The following CDK13 variants were observed in gnomAD, a reference collection of about 807,000 sequenced individuals.
CDK13 encodes the protein cyclin-dependent kinase 13.
In CDK13, 40 loss-of-function variants were observed where a neutral mutation model predicts 137.6. The ratio of observed to expected loss-of-function variants is 0.29; its 90% CI spans 0.23 to 0.38. The LOEUF is 0.38. CDK13 is among the 10% of genes least tolerant of loss of function. The pLI, the probability that CDK13 is intolerant of heterozygous loss-of-function variation, is 1.00. For missense variants in CDK13, 1,704 were observed against 1,951.8 expected, an observed-to-expected ratio of 0.87 and a Z score of 2.39; for synonymous variants, 869 against 760.1, an observed-to-expected ratio of 1.14 and a Z score of -2.36.
chr7:40,001,043 C>T (rs1282142298), intron 4 of CDK13, among the ~76,000 whole-genome samples: 2 of 152,138 alleles, frequency 1.3e-5, no homozygotes, highest in African/African-American at 4.8e-5. Context: ...TGCTAGGTAA[C>T]TGGCCAGGTT....
chr7:40,031,831 A>G (rs199962960), intron 5 of CDK13, among the ~76,000 whole-genome samples: 39 of 35,846 alleles, frequency 1.1e-3, no homozygotes, highest in East Asian at 6.1e-3. Context: ...TATTATTGTT[A>G]TTATTATTAT....
chr7:39,963,373 T>G (rs550487717), intron 1 of CDK13, among the ~76,000 whole-genome samples: 19 of 152,328 alleles, frequency 1.2e-4, no homozygotes, highest in Admixed American at 9.2e-4. Flanking sequence ...GGTATTTTAC[T>G]CTCTTTAAAG....
intron 2 of CDK13, among the ~76,000 whole-genome samples, chr7:39,990,052 G>T (rs956257115): frequency 6.6e-6 from 1 of 152,124 alleles, no homozygotes; most frequent in Non-Finnish European, 1.5e-5. Flanking sequence ...CCAAAGTGTT[G>T]GGATTACAGG....
At chr7:40,047,777 G>T (rs1232900487) in intron 6 of CDK13, 44 bp from the exon 7 acceptor site, 2 of 1,313,334 alleles carry the variant, frequency 1.5e-6, no homozygotes, top group East Asian at 2.3e-5. Flanking sequence ...TGTCAATTAA[G>T]AGTAAATTAA....
At chr7:39,959,593 T>G (rs28547436) in intron 1 of CDK13, among the ~76,000 whole-genome samples, 40,625 of 151,840 alleles carry the variant, frequency 0.27, 6,571 homozygotes, top group Middle Eastern at 0.45. Flanking sequence ...GCCTCCCGAG[T>G]AGCTGGGATC....
intron 5 of CDK13, among the ~76,000 whole-genome samples, chr7:40,042,478 T>TC (rs1491252204): frequency 2.3e-3 from 15 of 6,450 alleles, no homozygotes; most frequent in African/African-American, 8.6e-3. Flanking sequence ...CTTTTCTTTC[T>TC]TTTTTTTTTT....
At position 39,970,343 on chromosome 7, in the gene CDK13, A is replaced by T. The variant is rs183546422; in HGVS notation, c.1212-17256A>T. Among the ~76,000 whole-genome samples the T allele has an allele frequency of 6.6e-5, 10 of 152,178 alleles. No homozygotes were observed. In the East Asian group the frequency reaches 1.9e-3, roughly 29 times the overall value. ...GTCCAAAAAAATTTTTGCCTAACCC[A>T]CAGTAACAGATATTTTCTCCTTAGG... On this transcript the variant is annotated intron_variant, in intron 1 of 13. Coordinates refer to ENST00000181839, the MANE Select transcript of CDK13 (RefSeq NM_003718.5).
At chr7:40,071,314 C>G (rs1786417421) in intron 9 of CDK13, 1 of 152,094 alleles carries the variant, frequency 6.6e-6, no homozygotes, top group African/African-American at 2.4e-5. Flanking sequence ...ATAATGTTAA[C>G]ATGTTTTAAA....
In CDK13 at chr7:39,951,021, A is replaced by G. The variant is rs2116052889; in HGVS notation, c.380A>G (p.Gln127Arg). ...CGGGTCTTCTCGCTGCCCCAGCCGC[A>G]GCAGGACGGCGGTGGCGGTGCTAGT... is the stretch of plus-strand genomic sequence containing the variant. ...KRRVFSLPQP[Q>R]QDGGGGASSG... Residue 127 changes from glutamine (Q) to arginine (R), a missense_variant, in exon 1 of 14, where the codon CAG (glutamine) becomes CGG (arginine). Around this residue, in one of 5 missense-constraint regions of CDK13, gnomAD observed 1,051 missense variants for 931.0 expected, o/e 1.13. Transcript: ENST00000181839. 7 of 1,299,146 alleles carry G rather than the reference A, an allele frequency of 5.4e-6. No individual in the cohort carries two copies. Among genetic ancestry groups the G allele is most frequent in the Non-Finnish European group, 6.8e-6 (7 of 1,026,462 alleles). 80.5% of individuals were successfully genotyped at this position (1,299,146 alleles called of 1,614,324 possible). A position where few individuals can be genotyped will look rare whatever the true frequency, so the allele number is the denominator to read the frequency against.
At chr7:40,010,396 A>G (rs1784870753) in intron 5 of CDK13, among the ~76,000 whole-genome samples, 1 of 152,188 alleles carries the variant, frequency 6.6e-6, no homozygotes, top group Non-Finnish European at 1.5e-5. Context: ...GTAAATACAG[A>G]TGGAGGACCA....
At chr7:40,021,748 G>A (rs948217085) in intron 5 of CDK13, among the ~76,000 whole-genome samples, 8 of 151,720 alleles carry the variant, frequency 5.3e-5, no homozygotes, top group African/African-American at 1.9e-4. Context: ...ATCTATGAAG[G>A]ATAGAGAAGG....
intron 11 of CDK13, among the ~76,000 whole-genome samples, chr7:40,083,227 T>C (rs1164963681): frequency 6.6e-6 from 1 of 151,888 alleles, no homozygotes; most frequent in Non-Finnish European, 1.5e-5. Flanking sequence ...ATCCCAGCAC[T>C]TTGGGAACCA....
intron 12 of CDK13, among the ~76,000 whole-genome samples, chr7:40,089,771 A>T (rs944297703): frequency 3.3e-5 from 5 of 151,590 alleles, no homozygotes; most frequent in Admixed American, 6.6e-5. Context: ...GTGGCTTATT[A>T]AACATGAAAA....
At chr7:39,955,572 G>C (rs1258922398) in intron 1 of CDK13, among the ~76,000 whole-genome samples, 2 of 151,920 alleles carry the variant, frequency 1.3e-5, no homozygotes, top group Non-Finnish European at 2.9e-5. Context: ...TGAAAAATCA[G>C]CTTCTGCTTG....
At chr7:40,004,673 A>AG (rs1402496515) in intron 5 of CDK13, among the ~76,000 whole-genome samples, 2 of 152,358 alleles carry the variant, frequency 1.3e-5, no homozygotes, top group East Asian at 3.9e-4. Flanking sequence ...TAGAGCATAA[A>AG]GACAGTTCAA....
intron 1 of CDK13, among the ~76,000 whole-genome samples, chr7:39,953,792 C>T (rs1404273096): frequency 6.6e-6 from 1 of 152,148 alleles, no homozygotes; most frequent in African/African-American, 2.4e-5. Flanking sequence ...ACATTGCTGA[C>T]AGATGGCCAT....
chr7:40,009,129 A>G (rs563142307), intron 5 of CDK13, among the ~76,000 whole-genome samples: 2 of 152,364 alleles, frequency 1.3e-5, no homozygotes, highest in South Asian at 4.1e-4. Context: ...TAATGTCACT[A>G]TCATCATTTG....
chr7:40,097,526 T>C lies in CDK13; in HGVS notation c.*2546T>C. ...TTGGGAAATCACTAGTTCTGTAGGT[T>C]ATAACAGCAGTCATCGCTGAAAATT... On this transcript the variant is annotated 3_prime_UTR_variant, in exon 14 of 14. Transcript: ENST00000181839. 6.6e-6 allele frequency: 1 copy of C among 152,102 alleles called. No homozygotes were observed. The highest frequency in any genetic ancestry group is 1.9e-4 in the East Asian group (1 of 5,198). 9.4% of individuals were successfully genotyped at this position (152,102 alleles called of 1,614,324 possible).
In CDK13 at chr7:40,092,769, A is replaced by T; in HGVS notation, c.3236-16A>T. The stretch of plus-strand genomic sequence containing the variant: ...GTGAATTATGACAGTTCTAATTAAT[A>T]TAATTTTGTCTTTAGTAAAAACAGG... On this transcript the variant is annotated splice_polypyrimidine_tract_variant and intron_variant, in intron 12 of 13. Transcript: ENST00000181839. 1.9e-6 allele frequency: 3 copies of T among 1,596,758 alleles called. No homozygotes were observed. Among genetic ancestry groups the T allele is most frequent in the Non-Finnish European group, 2.6e-6 (3 of 1,166,626 alleles).
Sources: gnomAD v4.1 joint callset for allele counts (sites outside exome capture counted in the v4.1 genomes callset) on GRCh38, gnomAD v4.1.1 for gene constraint, gnomAD v4.1.1 regional missense constraint, MANE v1.5 for transcripts, NCBI Gene and HGNC (gene_info 2026-07-23, HGNC 2026-07-21) for gene names.